SLC25A43: variants seen among roughly 807,000 people sequenced by gnomAD.
The protein encoded by SLC25A43 is solute carrier family 25 member 43, also known as solute carrier family 25, member 43.
A neutral mutation model predicts 22.8 loss-of-function variants in SLC25A43; 10 were observed. The ratio of observed to expected loss-of-function variants is 0.44; its 90% CI spans 0.27 to 0.74. The LOEUF (loss-of-function observed/expected upper bound fraction) is 0.74, where lower values mean the gene tolerates loss of function less well. Ranked by LOEUF, SLC25A43 falls within the 30% of genes least tolerant of loss-of-function variation. The pLI is 0.17. For synonymous variants in SLC25A43, 106 were observed against 121.6 expected (o/e 0.87, Z 0.84); for missense variants, 233 against 279.1 (o/e 0.83, Z 1.18).
intron 3 of SLC25A43, among the ~76,000 whole-genome samples, chrX:119,427,710 C>T (rs1241084917): frequency 8.9e-6 from 1 of 112,048 alleles, no homozygotes; most frequent in African/African-American, 3.2e-5. Flanking sequence ...GGGAATTGGA[C>T]AGCTTAGTCA....
chrX:119,409,369 T>C (rs2052328023), intron 2 of SLC25A43, among the ~76,000 whole-genome samples: 2 of 107,824 alleles, frequency 1.9e-5, no homozygotes, highest in South Asian at 8.3e-4. Flanking sequence ...TTAGTAGAGA[T>C]GGAGTTTCCG....
At chrX:119,403,336 T>C (rs1322051863) in intron 1 of SLC25A43, among the ~76,000 whole-genome samples, 2 of 109,643 alleles carry the variant, frequency 1.8e-5, no homozygotes, top group Non-Finnish European at 3.8e-5. Flanking sequence ...GTCGCCCAAG[T>C]TGGAGTGCAG....
chrX:119,409,447 C>T (rs2052329388), intron 2 of SLC25A43, among the ~76,000 whole-genome samples: 1 of 107,232 alleles, frequency 9.3e-6, no homozygotes, highest in African/African-American at 3.4e-5. Flanking sequence ...TTCAAGTGAT[C>T]CGCCCACCTC....
intron 2 of SLC25A43, among the ~76,000 whole-genome samples, chrX:119,409,802 G>T (rs2052333616): frequency 9.1e-6 from 1 of 109,940 alleles, no homozygotes; most frequent in African/African-American, 3.3e-5. Context: ...TTTTAGTAGA[G>T]ATGGGGTTTC....
chrX:119,450,431 C>T (rs1402068763), intron 3 of SLC25A43, among the ~76,000 whole-genome samples: 1 of 111,855 alleles, frequency 8.9e-6, no homozygotes, highest in Non-Finnish European at 1.9e-5. Flanking sequence ...AAAAATCCCT[C>T]CTTACATGTA....
intron 3 of SLC25A43, among the ~76,000 whole-genome samples, chrX:119,435,153 T>C (rs1192205014): frequency 9.0e-6 from 1 of 110,561 alleles, no homozygotes; most frequent in Non-Finnish European, 1.9e-5. Flanking sequence ...AAATATTTTT[T>C]TAAAAAAAGA....
At chrX:119,402,491 G>A (rs1262735850) in intron 1 of SLC25A43, among the ~76,000 whole-genome samples, 1 of 111,892 alleles carries the variant, frequency 8.9e-6, no homozygotes, top group Non-Finnish European at 1.9e-5. Context: ...GTTAGTTTGG[G>A]TCCCTGCAGC....
At chrX:119,417,982 C>T (rs2052420060) in intron 3 of SLC25A43, among the ~76,000 whole-genome samples, 2 of 110,944 alleles carry the variant, frequency 1.8e-5, no homozygotes, top group African/African-American at 6.5e-5. Flanking sequence ...CAAGACAGAA[C>T]TGCAGGCTGC....
intron 3 of SLC25A43, among the ~76,000 whole-genome samples, chrX:119,424,467 CT>C (rs199550892): frequency 9.1e-6 from 1 of 110,471 alleles, no homozygotes; most frequent in Non-Finnish European, 1.9e-5. Flanking sequence ...TCCTCAGGCC[CT>C]TTTTTTATTC....
chrX:119,421,985 G>A (rs1221971028), intron 3 of SLC25A43, among the ~76,000 whole-genome samples: 1 of 111,387 alleles, frequency 9.0e-6, no homozygotes, highest in East Asian at 2.8e-4. Flanking sequence ...GTGCAATCTC[G>A]GCTCACTGCA....
chrX:119,443,147 T>A (rs2052635781), intron 3 of SLC25A43, among the ~76,000 whole-genome samples: 1 of 83,792 alleles, frequency 1.2e-5, no homozygotes. Context: ...TGAGACAGAA[T>A]CTCACTCTGT....
intron 1 of SLC25A43, among the ~76,000 whole-genome samples, chrX:119,400,119 C>T (rs1374129664): frequency 9.0e-6 from 1 of 111,307 alleles, no homozygotes; most frequent in Non-Finnish European, 1.9e-5. Context: ...GTGACCCAAG[C>T]CCCGAGAAGA....
chrX:119,432,555 AAGGC>A (rs2052561757), intron 3 of SLC25A43, among the ~76,000 whole-genome samples: 1 of 109,151 alleles, frequency 9.2e-6, no homozygotes, highest in Non-Finnish European at 1.9e-5. Flanking sequence ...TTGGGAGGCC[AAGGC>A]AGGCAGATCA....
chrX:119,442,832 A>G (rs1027077180), intron 3 of SLC25A43, among the ~76,000 whole-genome samples: 2 of 112,379 alleles, frequency 1.8e-5, no homozygotes, highest in Admixed American at 1.9e-4. Flanking sequence ...TCATGCATAA[A>G]ATTATGTGCA....
chrX:119,442,876 G>T (rs953818997), intron 3 of SLC25A43, among the ~76,000 whole-genome samples: 1 of 111,933 alleles, frequency 8.9e-6, no homozygotes, highest in Non-Finnish European at 1.9e-5. Context: ...CTCTTATACT[G>T]AGCATTTTAT....
chrX:119,446,882 G>A (rs1297947839), intron 3 of SLC25A43, among the ~76,000 whole-genome samples: 1 of 112,244 alleles, frequency 8.9e-6, no homozygotes, highest in African/African-American at 3.2e-5. Context: ...AATTGGACAT[G>A]ATTACAGTAC....
At chrX:119,424,922 A>C (rs1345785992) in intron 3 of SLC25A43, among the ~76,000 whole-genome samples, 1 of 111,956 alleles carries the variant, frequency 8.9e-6, no homozygotes, top group Non-Finnish European at 1.9e-5. Flanking sequence ...TCATGGCCTA[A>C]TCACCTCCCA....
rs999418651 is a variant in SLC25A43, at chrX:119,454,340, C to T, written c.*1275C>T. ...TATAACTATACTTGTCAAATAGCAC[C>T]TATCTATGCATTTAAAAATGCATTA... On this transcript the variant is annotated 3_prime_UTR_variant, in exon 5 of 5. Transcript: ENST00000217909. 2.1e-4 allele frequency: 24 copies of T among 112,233 alleles called. No homozygotes were observed. Among genetic ancestry groups the T allele is most frequent in the Non-Finnish European group, 3.8e-4 (20 of 53,240 alleles). The allele number at this position is 112,233 out of a possible 1,213,427, so 9.2% of individuals were successfully genotyped here. A position where few individuals can be genotyped will look rare whatever the true frequency, so the allele number is the denominator to read the frequency against.
intron 3 of SLC25A43, among the ~76,000 whole-genome samples, chrX:119,443,896 A>G (rs2052644420): frequency 1.8e-5 from 2 of 108,733 alleles, no homozygotes; most frequent in South Asian, 8.1e-4. Context: ...CTGGGACTAC[A>G]GGTACATGCC....
Sources: gnomAD v4.1 joint callset for allele counts (sites outside exome capture counted in the v4.1 genomes callset) on GRCh38, gnomAD v4.1.1 for gene constraint, MANE v1.5 for transcripts, NCBI Gene and HGNC (gene_info 2026-07-23, HGNC 2026-07-21) for gene names.